Variants in TDRD6 observed in about 807,000 individuals in gnomAD.
TDRD6 encodes tudor domain-containing protein 6.
A neutral mutation model predicts 157.5 loss-of-function variants in TDRD6; 186 were observed. The observed-to-expected ratio is 1.18, with a 90% CI of 1.05 to 1.33. The LOEUF is 1.33. Ranked by LOEUF, TDRD6 falls within the 40% of genes most tolerant of loss-of-function variation. The probability of loss-of-function intolerance (pLI) is 0.00; values close to 1 mark genes in which losing one functional copy is unlikely to be tolerated. For missense variants in TDRD6, 3,066 were observed against 2,508.0 expected (o/e 1.22, Z -4.75); for synonymous variants, 1,075 against 945.2 (o/e 1.14, Z -2.52).
chr6:46,690,438 T>G lies in TDRD6; in HGVS notation c.2310T>G (p.Val770=). 6.2e-7 allele frequency: 1 copy of G among 1,614,106 alleles called. No individual in the cohort carries two copies. The highest frequency in any genetic ancestry group is 8.5e-7 in the Non-Finnish European group (1 of 1,180,020). Residue 770 remains valine, a synonymous_variant, in exon 1 of 4, where the codon GTT becomes GTG. Transcript: ENST00000316081. ...PGSSSKGELE[V]GSTVEVRVSY... ...CCTCTAGTAAAGGAGAGCTGGAAGT[T>G]GGAAGTACAGTAGAAGTCAGAGTGT...
rs557562919 is a variant in TDRD6, at chr6:46,691,525, C to A, written c.3397C>A (p.Pro1133Thr). The change falls in exon 1 of 4, where the codon CCA becomes ACA. Residue 1133 changes from proline to threonine, a missense_variant. By Grantham distance (38) the Pro-to-Thr change is conservative. Coordinates refer to ENST00000316081, the MANE Select transcript of TDRD6 (RefSeq NM_001010870.3). ...GAAGGCTTTAGTTGTAGCAAAAGAT[C>A]CAGATGGAACACTGATTATAGAACT... ...SLKALVVAKD[P>T]DGTLIIELYG... is the part of the protein sequence containing the mutation. 25 of 1,613,770 alleles carry A rather than the reference C, an allele frequency of 1.5e-5. 1 individual carries two copies. Among genetic ancestry groups the A allele is most frequent in the South Asian group, 1.1e-4 (10 of 91,038 alleles).
the TDRD6 span, among the ~76,000 whole-genome samples, chr6:46,682,613 G>T: frequency 2.0e-5 from 3 of 151,600 alleles, no homozygotes; most frequent in Non-Finnish European, 3.0e-5. Context: ...AAAGCTACAA[G>T]AATTAATAAT....
rs769005935 is a variant in TDRD6 at position 46,688,917 on chromosome 6, C to A, written c.789C>A (p.His263Gln). 1 of 1,608,438 alleles carries A rather than the reference C, an allele frequency of 6.2e-7. No homozygotes were observed. ...TCATAACCCAAGTGTGCCATCCCCACCGCATTCACTGCCAGCTCCGCAGCG... is the reference window on the plus strand; with the variant it reads ...TCATAACCCAAGTGTGCCATCCCCAACGCATTCACTGCCAGCTCCGCAGCG... ...AVVITQVCHP[H>Q]RIHCQLRSVS... The change falls in exon 1 of 4, where the codon CAC becomes CAA. Residue 263 changes from histidine (H) to glutamine (Q), a missense_variant. Coordinates refer to ENST00000316081, the MANE Select transcript of TDRD6 (RefSeq NM_001010870.3).
In TDRD6 at chr6:46,688,203, C is replaced by A. The variant is rs1485347763; in HGVS notation, c.75C>A (p.Pro25=). 6.5e-7 allele frequency: 1 copy of A among 1,545,588 alleles called. No homozygotes were observed. Among genetic ancestry groups the A allele is most frequent in the East Asian group, 2.4e-5 (1 of 41,832 alleles). The change falls in exon 1 of 4, where the codon CCC becomes CCA. Residue 25 remains proline, a synonymous_variant. Coordinates refer to ENST00000316081, the MANE Select transcript of TDRD6 (RefSeq NM_001010870.3). ...ALRVSFVDVH[P]DVIPVQLWGL... Reference sequence around the variant, plus strand: ...GGGTGTCCTTCGTGGACGTGCATCCCGATGTGATCCCGGTGCAGCTGTGGG... The same window carrying A: ...GGGTGTCCTTCGTGGACGTGCATCCAGATGTGATCCCGGTGCAGCTGTGGG...
upstream of TDRD6, among the ~76,000 whole-genome samples, chr6:46,685,803 G>A (rs752029563): frequency 6.6e-6 from 1 of 151,634 alleles, no homozygotes; most frequent in African/African-American, 2.4e-5. Flanking sequence ...CTTCTTTTCC[G>A]AAACCAAGGG....
chr6:46,689,329 C>T lies in TDRD6; in HGVS notation c.1201C>T (p.Leu401=), dbSNP rs767376823. 1.1e-5 allele frequency: 18 copies of T among 1,614,028 alleles called. No individual in the cohort carries two copies. The highest frequency in any genetic ancestry group is 1.5e-5 in the Non-Finnish European group (18 of 1,180,052). ...SQVGDLKTLI[L]GKAVNAKIEF... ...GGTCGGTGACCTGAAGACACTGATACTAGGCAAGGCAGTGAATGCAAAGAT... is the reference window on the plus strand; with the variant it reads ...GGTCGGTGACCTGAAGACACTGATATTAGGCAAGGCAGTGAATGCAAAGAT... Residue 401 remains leucine (L), a synonymous_variant, in exon 1 of 4, where the codon CTA becomes TTA. Coordinates refer to ENST00000316081, the MANE Select transcript of TDRD6 (RefSeq NM_001010870.3).
At position 46,692,225 on chromosome 6, in the gene TDRD6, A is replaced by G. The variant is rs1764351823; in HGVS notation, c.4097A>G (p.Asp1366Gly). Reference protein sequence around the residue: ...GDMICAVFPEDNLWYRAVIKE... With the variant: ...GDMICAVFPEGNLWYRAVIKE... The stretch of plus-strand genomic sequence containing the variant: ...ATGATATGTGCTGTTTTCCCAGAAG[A>G]TAATTTATGGTATCGTGCTGTGATC... The change falls in exon 1 of 4, where the codon GAT becomes GGT. Residue 1366 changes from aspartate (D) to glycine (G), a missense_variant. Transcript: ENST00000316081. The G allele has an allele frequency of 1.5e-5, 24 of 1,614,142 alleles. No homozygotes were observed. The highest frequency in any genetic ancestry group is 2.2e-5 in the East Asian group (1 of 44,874).
Position 46,693,161 on chromosome 6 carries a change from C to G in TDRD6, c.5033C>G (p.Pro1678Arg), listed in dbSNP as rs1052146430. Residue 1678 changes from proline (P) to arginine (R), a missense_variant, in exon 1 of 4, where the codon CCT (proline) becomes CGT (arginine). Transcript: ENST00000316081. ...LEIRRDVCDIPLAIVDLKSKG... is the reference protein window; with the variant it reads ...LEIRRDVCDIRLAIVDLKSKG... ...ATCAGAAGGGATGTTTGTGATATCC[C>G]TTTAGCAATTGTTGACTTGAAAAGC... The G allele has an allele frequency of 7.5e-6, 12 of 1,609,428 alleles. No homozygotes were observed. The highest frequency in any genetic ancestry group is 1.0e-5 in the Non-Finnish European group (12 of 1,178,224).
At chr6:46,681,708 C>G in the TDRD6 span, 1 of 397,330 alleles carries the variant, frequency 2.5e-6, no homozygotes, top group Admixed American at 2.7e-5. Flanking sequence ...TGCTTGTTAT[C>G]ACGGGTTTTG....
Position 46,693,905 on chromosome 6 carries a change from G to A in TDRD6, c.5777G>A (p.Gly1926Glu). Residue 1926 changes from glycine (G) to glutamate (E), a missense_variant, in exon 1 of 4, where the codon GGA becomes GAA. Gly to Glu is a moderately conservative substitution (Grantham distance 98, BLOSUM62 -2). Transcript: ENST00000316081. ...LDDKMDPLSL[G>E]VSQKAQESMC... is the part of the protein sequence containing the mutation. ...GACAAGATGGATCCTTTGTCTTTAGGAGTTAGTCAGAAAGCACAGGAATCC... is the reference window on the plus strand; with the variant it reads ...GACAAGATGGATCCTTTGTCTTTAGAAGTTAGTCAGAAAGCACAGGAATCC... 1 of 1,614,172 alleles carries A rather than the reference G, an allele frequency of 6.2e-7. No individual in the cohort carries two copies. Among genetic ancestry groups the A allele is most frequent in the Non-Finnish European group, 8.5e-7 (1 of 1,180,034 alleles).
In TDRD6 at chr6:46,699,657, CAAAG is replaced by C. The variant is rs1001349522; in HGVS notation, c.6261+1573_6261+1576del. ...CCACCCTCAGATCAAAATCAGGAGA[CAAAG>C]AAGTAAAAAAAAAGAAAAGAAAAGG... On this transcript the variant is annotated intron_variant, in intron 3 of 3. Transcript: ENST00000316081. 2.2e-4 allele frequency among the ~76,000 whole-genome samples: 33 copies of C among 151,306 alleles called. No individual in the cohort carries two copies. The South Asian group carries it at 4.0e-3, about 18-fold the overall frequency.
At chr6:46,683,969 C>T (rs2150671596), upstream of TDRD6, among the ~76,000 whole-genome samples, 1 of 152,218 alleles carries the variant, frequency 6.6e-6, no homozygotes, top group South Asian at 2.1e-4. Flanking sequence ...TTAATTCATG[C>T]AGTCCTTGGA....
chr6:46,696,844 C>T (rs2150683655), intron 2 of TDRD6, among the ~76,000 whole-genome samples: 1 of 151,440 alleles, frequency 6.6e-6, no homozygotes, highest in South Asian at 2.1e-4. Flanking sequence ...ATCTCCTGAC[C>T]TTGTGATCCG....
At chr6:46,685,632 G>C (rs557613998), upstream of TDRD6, among the ~76,000 whole-genome samples, 65 of 152,196 alleles carry the variant, frequency 4.3e-4, no homozygotes, top group South Asian at 2.5e-3. Flanking sequence ...GGAAGGATAG[G>C]GGAGGGATAG....
rs770908139 is a variant in TDRD6 at position 46,688,807 on chromosome 6, C to G, written c.679C>G (p.Leu227Val). The G allele has an allele frequency of 6.2e-7, 1 of 1,611,792 alleles. No homozygotes were observed. The highest frequency in any genetic ancestry group is 1.1e-5 in the South Asian group (1 of 91,060). Residue 227 changes from leucine (L) to valine (V), a missense_variant, in exon 1 of 4, where the codon CTC becomes GTC. Physicochemically the swap from Leu to Val is conservative, Grantham distance 32 (BLOSUM62 1). Coordinates refer to ENST00000316081, the MANE Select transcript of TDRD6 (RefSeq NM_001010870.3). ...TASVGSGVPVLSRVPLKQKQP... is the reference protein window; with the variant it reads ...TASVGSGVPVVSRVPLKQKQP... Reference sequence around the variant, plus strand: ...TAGCGTGGGCTCCGGGGTCCCGGTTCTCTCGCGAGTCCCGCTCAAGCAAAA... The same window carrying G: ...TAGCGTGGGCTCCGGGGTCCCGGTTGTCTCGCGAGTCCCGCTCAAGCAAAA...
At chr6:46,684,425 G>T (rs1764039774), upstream of TDRD6, among the ~76,000 whole-genome samples, 1 of 148,664 alleles carries the variant, frequency 6.7e-6, no homozygotes, top group Admixed American at 6.8e-5. Context: ...CCTTTGTGTA[G>T]CTTTGATAAC....
intron 3 of TDRD6, among the ~76,000 whole-genome samples, chr6:46,700,275 G>A (rs1451846281): frequency 3.3e-5 from 5 of 152,100 alleles, no homozygotes; most frequent in Non-Finnish European, 7.4e-5. Context: ...AGGCCAGTTA[G>A]CAGACATATA....
Position 46,694,193 on chromosome 6 carries a change from CTTTTTACTTT to C in TDRD6, c.6046+25_6046+34del. 1 of 1,435,594 alleles carries C rather than the reference CTTTTTACTTT, an allele frequency of 7.0e-7. No individual in the cohort carries two copies. The highest frequency in any genetic ancestry group is 1.5e-5 in the South Asian group (1 of 66,674). 88.9% of individuals were successfully genotyped at this position (1,435,594 alleles called of 1,614,324 possible). On this transcript the variant is annotated intron_variant, in intron 1 of 3. Coordinates refer to ENST00000316081, the MANE Select transcript of TDRD6 (RefSeq NM_001010870.3). Reference sequence around the variant, plus strand: ...ATCTCAGGTATGTGAATTTTTTTTCCTTTTTACTTTTTTTTTTTTTTTTTTTTGAGACAGG... The same window carrying C: ...ATCTCAGGTATGTGAATTTTTTTTCCTTTTTTTTTTTTTTTTTGAGACAGG...
At chr6:46,683,080 A>G (rs1380667167), upstream of TDRD6, among the ~76,000 whole-genome samples, 1 of 152,028 alleles carries the variant, frequency 6.6e-6, no homozygotes, top group East Asian at 1.9e-4. Context: ...CAGTTTAGAA[A>G]ACAATCAAAA....
Sources: allele counts gnomAD v4.1 joint callset (sites outside exome capture counted in the v4.1 genomes callset), GRCh38; gene constraint gnomAD v4.1.1; transcripts MANE v1.5; gene names NCBI Gene and HGNC (gene_info 2026-07-23, HGNC 2026-07-21).